Variants in SYNE2 observed in about 807,000 individuals in gnomAD.
SYNE2 encodes spectrin repeat containing nuclear envelope protein 2.
In SYNE2, 431 loss-of-function variants were observed where a neutral mutation model predicts 856.3. That is an observed-to-expected ratio of 0.50 (90% CI 0.47 to 0.55). The LOEUF (loss-of-function observed/expected upper bound fraction) is 0.55, where lower values mean the gene tolerates loss of function less well. SYNE2 is among the 20% of genes least tolerant of loss of function. The pLI is 0.00. For missense variants in SYNE2, 8,129 were observed against 8,023.2 expected (o/e 1.01, Z -0.50); for synonymous variants, 2,923 against 2,872.3 (o/e 1.02, Z -0.56).
chr14:64,197,344 A>G (rs935471078), intron 99 of SYNE2, among the ~76,000 whole-genome samples: 1 of 152,178 alleles, frequency 6.6e-6, no homozygotes, highest in African/African-American at 2.4e-5. Context: ...CGTGTGGAAA[A>G]TGGAAGTCCT....
At chr14:64,153,807 G>C (rs3901129) in intron 85 of SYNE2, among the ~76,000 whole-genome samples, 2 of 152,220 alleles carry the variant, frequency 1.3e-5, no homozygotes, top group East Asian at 3.9e-4. Context: ...AAAACATGCA[G>C]ATAGTACTGT....
At chr14:63,957,086 C>G (rs1411182969) in intron 8 of SYNE2, among the ~76,000 whole-genome samples, 1 of 151,734 alleles carries the variant, frequency 6.6e-6, no homozygotes, top group Admixed American at 6.6e-5. Flanking sequence ...GCAAGGTCAT[C>G]CATGTTGTGG....
chr14:63,868,754 G>T (rs112499449), intron 1 of SYNE2, among the ~76,000 whole-genome samples: 1 of 152,012 alleles, frequency 6.6e-6, no homozygotes, highest in Non-Finnish European at 1.5e-5. Context: ...GTGTGTGCTG[G>T]GGTTTTTGTA....
rs769949232 is a variant in SYNE2 at position 63,961,529 on chromosome 14, G to A, written c.792G>A (p.Val264=). ...KIPRLLEPED[V]DVVDPDEKSI... is the part of the protein sequence containing the mutation. ...ATAGTGTGGTGTATCTTGCAGATGT[G>A]GATGTTGTTGATCCTGATGAAAAGT... Residue 264 remains valine, a synonymous_variant, in exon 9 of 116, where the codon GTG becomes GTA. Transcript: ENST00000555002. The A allele has an allele frequency of 6.2e-7, 1 of 1,612,804 alleles. No individual in the cohort carries two copies. Among genetic ancestry groups the A allele is most frequent in the Admixed American group, 1.7e-5 (1 of 59,992 alleles).
rs1003708766 is a variant in SYNE2 at position 64,132,539 on chromosome 14, A to G, written c.14514+101A>G. 2.9e-5 allele frequency: 43 copies of G among 1,462,856 alleles called. No homozygotes were observed. The African/African-American group carries it at 5.2e-4, about 18-fold the overall frequency. 90.6% of individuals were successfully genotyped at this position (1,462,856 alleles called of 1,614,324 possible). A position where few individuals can be genotyped will look rare whatever the true frequency, so the allele number is the denominator to read the frequency against. ...AAGTATCTAGTTATCATTAAGCTAT[A>G]GTTAAATGGAAGCCTGACAGTGAGG... On this transcript the variant is annotated intron_variant, in intron 77 of 115. Transcript: ENST00000555002.
At chr14:63,936,841 A>G (rs758476349) in intron 2 of SYNE2, among the ~76,000 whole-genome samples, 5 of 152,112 alleles carry the variant, frequency 3.3e-5, no homozygotes, top group African/African-American at 7.2e-5. Flanking sequence ...ACCCAGGTGG[A>G]GGTGATGGTG....
At chr14:64,159,838 A>T (rs1483096326) in intron 87 of SYNE2, among the ~76,000 whole-genome samples, 1 of 152,172 alleles carries the variant, frequency 6.6e-6, no homozygotes, top group Non-Finnish European at 1.5e-5. Flanking sequence ...AAGAAAGGGG[A>T]TGTTAGAGTA....
intron 1 of SYNE2, among the ~76,000 whole-genome samples, chr14:63,901,148 C>T (rs955842326): frequency 4.6e-5 from 7 of 152,208 alleles, no homozygotes; most frequent in Admixed American, 6.5e-5. Flanking sequence ...TGTTAACAAA[C>T]TGTCTACTAA....
intron 28 of SYNE2, 82 bp downstream of exon 28, chr14:64,000,801 T>C: frequency 8.0e-7 from 1 of 1,248,404 alleles, no homozygotes; most frequent in African/African-American, 1.5e-5. Flanking sequence ...ATTCTTGCTA[T>C]ACTAAGTATG....
Position 64,210,053 on chromosome 14 carries a change from A to G in SYNE2, c.18652A>G (p.Met6218Val), listed in dbSNP as rs369111057. ...RTDTASRLKQMVHEGNQRWDN... is the reference protein window; with the variant it reads ...RTDTASRLKQVVHEGNQRWDN... ...AGACACGGCCAGCAGGCTGAAGCAGATGGTCCACGAGGGCAACCAGCGCTG... is the reference window on the plus strand; with the variant it reads ...AGACACGGCCAGCAGGCTGAAGCAGGTGGTCCACGAGGGCAACCAGCGCTG... Residue 6218 changes from methionine to valine, a missense_variant, in exon 103 of 116, where the codon ATG becomes GTG. Transcript: ENST00000555002. 6.2e-7 allele frequency: 1 copy of G among 1,614,130 alleles called. No homozygotes were observed. Among genetic ancestry groups the G allele is most frequent in the Non-Finnish European group, 8.5e-7 (1 of 1,180,038 alleles).
At position 64,024,353 on chromosome 14, in the gene SYNE2, G is replaced by A; in HGVS notation, c.5734G>A (p.Glu1912Lys). ...GCATCTGCCCAAAGCACATGTGAAG[G>A]AGCTTATCAGTTGGCTCGTGGGTCA... ...KKHLPKAHVK[E>K]LISWLVGQEF... The change falls in exon 39 of 116, where the codon GAG (glutamate) becomes AAG (lysine). Residue 1912 changes from glutamate to lysine, a missense_variant. By Grantham distance (56) the Glu-to-Lys change is moderately conservative. Around this residue, in one of 3 missense-constraint regions of SYNE2, gnomAD observed 2,422 missense variants for 2,357.4 expected, o/e 1.03. Transcript: ENST00000555002. The A allele has an allele frequency of 6.2e-7, 1 of 1,614,148 alleles. No individual in the cohort carries two copies. The highest frequency in any genetic ancestry group is 8.5e-7 in the Non-Finnish European group (1 of 1,180,014).
intron 1 of SYNE2, among the ~76,000 whole-genome samples, chr14:63,860,586 T>A (rs1303249817): frequency 6.6e-6 from 1 of 152,228 alleles, no homozygotes; most frequent in Non-Finnish European, 1.5e-5. Flanking sequence ...ATTTGGTGCT[T>A]GGATTTTCCT....
intron 1 of SYNE2, among the ~76,000 whole-genome samples, chr14:63,858,069 A>G (rs1423429686): frequency 2.0e-5 from 3 of 151,888 alleles, no homozygotes; most frequent in Non-Finnish European, 4.4e-5. Context: ...GGGCAAAGAG[A>G]GGGTGAGAAA....
At chr14:63,784,369 C>T (rs1343782448) in intron 1 of SYNE2, among the ~76,000 whole-genome samples, 4 of 151,794 alleles carry the variant, frequency 2.6e-5, no homozygotes, top group Admixed American at 1.3e-4. Context: ...TGGTGGTGCA[C>T]GCCTGTAGTC....
chr14:63,943,329 G>A (rs1448112913), intron 6 of SYNE2, among the ~76,000 whole-genome samples: 2 of 152,112 alleles, frequency 1.3e-5, no homozygotes, highest in African/African-American at 4.8e-5. Flanking sequence ...GTTTTTTCAG[G>A]CCTGGAATTC....
At chr14:63,914,800 A>G (rs1315445469) in intron 2 of SYNE2, among the ~76,000 whole-genome samples, 1 of 152,184 alleles carries the variant, frequency 6.6e-6, no homozygotes, top group Admixed American at 6.5e-5. Context: ...GTTTTGAAAC[A>G]GAAGTCTTGC....
intron 11 of SYNE2, among the ~76,000 whole-genome samples, chr14:63,972,980 C>T (rs1343706820): frequency 3.3e-5 from 5 of 152,162 alleles, no homozygotes; most frequent in South Asian, 2.1e-4. Context: ...AATGGCTGGG[C>T]GCAGTGGCTC....
chr14:63,954,488 C>T lies in SYNE2; in HGVS notation c.591-231C>T, dbSNP rs371649529. Among the ~76,000 whole-genome samples the T allele has an allele frequency of 9.2e-5, 14 of 152,314 alleles. No individual in the cohort carries two copies. The East Asian group carries it at 2.3e-3, about 25-fold the overall frequency. ...TCTAACACCTGCACCCCATGTGATA[C>T]TGATGCTGCTGGCTCAGGAAACAAA... On this transcript the variant is annotated intron_variant, in intron 7 of 115. Transcript: ENST00000555002.
In SYNE2 at chr14:64,212,798, CCT is replaced by C; in HGVS notation, c.18862-7_18862-6del. ...ACTTTCTTTGAAATCCTTTCTTTCT[CCT>C]CTCTCAACAGGGCTTCCAACAGGAA... On this transcript the variant is annotated splice_polypyrimidine_tract_variant and intron_variant, in intron 104 of 115. Transcript: ENST00000555002. The C allele has an allele frequency of 1.2e-6, 2 of 1,613,708 alleles. No homozygotes were observed. The highest frequency in any genetic ancestry group is 1.3e-5 in the African/African-American group (1 of 75,044).
Sources: allele counts gnomAD v4.1 joint callset (sites outside exome capture counted in the v4.1 genomes callset), GRCh38; gene constraint gnomAD v4.1.1; regional missense constraint gnomAD v4.1.1; transcripts MANE v1.5; gene names NCBI Gene and HGNC (gene_info 2026-07-23, HGNC 2026-07-21).